ADGRL3: variants seen among roughly 807,000 people sequenced by gnomAD.
ADGRL3 encodes the protein calcium-independent alpha-latrotoxin receptor 3.
ADGRL3 carries 62 observed loss-of-function variants against 153.5 expected under a neutral mutation model. That is an observed-to-expected ratio of 0.40 (90% CI 0.33 to 0.50). The LOEUF (loss-of-function observed/expected upper bound fraction) is 0.50. Among genes scored for constraint, ADGRL3 ranks in the 20% least tolerant of loss-of-function variants. ADGRL3 has a pLI of 0.47. For synonymous variants in ADGRL3, 710 were observed against 672.5 expected (o/e 1.06, Z -0.86); for missense variants, 1,641 against 1,859.4 (o/e 0.88, Z 2.16).
At chr4:61,861,173 G>T (rs184362481) in intron 9 of ADGRL3, among the ~76,000 whole-genome samples, 1 of 152,150 alleles carries the variant, frequency 6.6e-6, no homozygotes, top group Non-Finnish European at 1.5e-5. Context: ...GAGAGTAGGG[G>T]TGTATATCAT....
At chr4:61,906,904 T>G (rs1480884177) in intron 11 of ADGRL3, among the ~76,000 whole-genome samples, 1 of 152,088 alleles carries the variant, frequency 6.6e-6, no homozygotes, top group African/African-American at 2.4e-5. Flanking sequence ...AGAGTTTTAG[T>G]TGTGCCCCTT....
At chr4:61,304,133 T>C (rs1157121316) in intron 1 of ADGRL3, among the ~76,000 whole-genome samples, 1 of 152,206 alleles carries the variant, frequency 6.6e-6, no homozygotes, top group Non-Finnish European at 1.5e-5. Context: ...TTGTAGAATA[T>C]TTGTGCAGTA....
chr4:61,527,376 A>G (rs974841027), intron 4 of ADGRL3, among the ~76,000 whole-genome samples: 1 of 152,110 alleles, frequency 6.6e-6, no homozygotes, highest in Non-Finnish European at 1.5e-5. Flanking sequence ...GTTATTTCTC[A>G]AATTCTTTGT....
At chr4:61,991,991 T>C (rs1013508674) in intron 19 of ADGRL3, among the ~76,000 whole-genome samples, 4 of 149,814 alleles carry the variant, frequency 2.7e-5, no homozygotes, top group Non-Finnish European at 5.9e-5. Context: ...GCACTTGTTT[T>C]CTCAAGTCTC....
chr4:61,235,405 T>A (rs866242307), intron 1 of ADGRL3, among the ~76,000 whole-genome samples: 3 of 152,246 alleles, frequency 2.0e-5, no homozygotes, highest in Admixed American at 6.5e-5. Context: ...TCCTTGATTA[T>A]AAGCTTTACA....
chr4:61,402,928 T>C (rs1382770026), intron 2 of ADGRL3, among the ~76,000 whole-genome samples: 1 of 151,928 alleles, frequency 6.6e-6, no homozygotes, highest in Non-Finnish European at 1.5e-5. Flanking sequence ...TTAAAAACGG[T>C]AGTTTATTTT....
intron 5 of ADGRL3, among the ~76,000 whole-genome samples, chr4:61,597,574 A>AT (rs1017189952): frequency 6.6e-6 from 1 of 151,732 alleles, no homozygotes; most frequent in African/African-American, 2.4e-5. Context: ...CAATACAAAC[A>AT]TTTTTTAAAA....
chr4:61,613,310 G>C (rs1246416171), intron 5 of ADGRL3, among the ~76,000 whole-genome samples: 1 of 152,144 alleles, frequency 6.6e-6, no homozygotes, highest in South Asian at 2.1e-4. Context: ...TGCTTGTCTT[G>C]TTTTGAATAT....
At chr4:61,768,328 T>C (rs1432480312) in intron 8 of ADGRL3, among the ~76,000 whole-genome samples, 2 of 151,738 alleles carry the variant, frequency 1.3e-5, no homozygotes, top group Non-Finnish European at 2.9e-5. Flanking sequence ...GGGCCTAGCT[T>C]GGCCTGTCGA....
chr4:61,304,939 C>T (rs2094718374), intron 1 of ADGRL3, among the ~76,000 whole-genome samples: 1 of 152,164 alleles, frequency 6.6e-6, no homozygotes, highest in African/African-American at 2.4e-5. Flanking sequence ...ACACTGGTAC[C>T]TGCCTTAGAA....
At chr4:61,234,152 T>A (rs1349806099) in intron 1 of ADGRL3, among the ~76,000 whole-genome samples, 1 of 152,108 alleles carries the variant, frequency 6.6e-6, no homozygotes, top group Non-Finnish European at 1.5e-5. Context: ...TAGTCCATTT[T>A]TATACTGCTG....
intron 1 of ADGRL3, among the ~76,000 whole-genome samples, chr4:61,232,467 C>A (rs932439155): frequency 6.6e-6 from 1 of 152,022 alleles, no homozygotes; most frequent in Non-Finnish European, 1.5e-5. Context: ...CACCACCACA[C>A]CCGACTAATT....
chr4:61,521,579 G>A (rs539124088), intron 4 of ADGRL3, among the ~76,000 whole-genome samples: 49 of 152,202 alleles, frequency 3.2e-4, no homozygotes, highest in African/African-American at 1.1e-3. Context: ...AGAAATAGAC[G>A]AGTCTGTTCT....
intron 2 of ADGRL3, among the ~76,000 whole-genome samples, chr4:61,480,077 C>T (rs1313548442): frequency 2.0e-5 from 3 of 152,084 alleles, no homozygotes; most frequent in African/African-American, 7.2e-5. Context: ...CAAGCATGTA[C>T]TGTTATTAAT....
chr4:61,336,284 A>T (rs917750813), intron 1 of ADGRL3, among the ~76,000 whole-genome samples: 1 of 152,230 alleles, frequency 6.6e-6, no homozygotes, highest in Non-Finnish European at 1.5e-5. Context: ...CTTTTGTGGG[A>T]AAATGGATTG....
chr4:61,877,079 A>G (rs994881277), intron 9 of ADGRL3, among the ~76,000 whole-genome samples: 1 of 152,130 alleles, frequency 6.6e-6, no homozygotes, highest in Non-Finnish European at 1.5e-5. Flanking sequence ...GCTTTTTACA[A>G]CAAGTTTGAG....
At chr4:61,866,726 G>C (rs1247085024) in intron 9 of ADGRL3, among the ~76,000 whole-genome samples, 1 of 152,084 alleles carries the variant, frequency 6.6e-6, no homozygotes, top group Non-Finnish European at 1.5e-5. Context: ...GACTCTTCTG[G>C]CATTAACTAA....
At chr4:61,986,141 G>C (rs2099084893) in intron 19 of ADGRL3, among the ~76,000 whole-genome samples, 1 of 151,880 alleles carries the variant, frequency 6.6e-6, no homozygotes, top group Non-Finnish European at 1.5e-5. Context: ...AAACAAAAAA[G>C]AAACCCCTAG....
intron 17 of ADGRL3, among the ~76,000 whole-genome samples, chr4:61,955,703 C>T (rs898774920): frequency 1.3e-5 from 2 of 152,098 alleles, no homozygotes; most frequent in African/African-American, 4.8e-5. Context: ...AATCCCACAA[C>T]AGGGCCTGGT....
Sources: allele counts gnomAD v4.1 joint callset (sites outside exome capture counted in the v4.1 genomes callset), GRCh38; gene constraint gnomAD v4.1.1; transcripts MANE v1.5; gene names NCBI Gene and HGNC (gene_info 2026-07-23, HGNC 2026-07-21).